UEVLD: variants seen among roughly 807,000 people sequenced by gnomAD.
UEVLD encodes the protein ubiquitin-conjugating enzyme E2 variant 3.
In UEVLD, 47 loss-of-function variants were observed where a neutral mutation model predicts 58.6. The ratio of observed to expected loss-of-function variants is 0.80; its 90% CI spans 0.63 to 1.02. The LOEUF (loss-of-function observed/expected upper bound fraction) is 1.02. Among genes scored for constraint, UEVLD ranks in the 50% least tolerant of loss-of-function variants. The pLI is 0.00. For missense variants in UEVLD, 510 were observed against 550.6 expected (o/e 0.93, Z 0.74); for synonymous variants, 197 against 195.3 (o/e 1.01, Z -0.07).
At chr11:18,537,358 G>A (rs1389421869) in intron 9 of UEVLD, among the ~76,000 whole-genome samples, 1 of 144,098 alleles carries the variant, frequency 6.9e-6, no homozygotes, top group Non-Finnish European at 1.5e-5. Flanking sequence ...TTTTGAGACG[G>A]ACTCTCGCTG....
chr11:18,559,069 T>C (rs565286126), intron 6 of UEVLD, among the ~76,000 whole-genome samples: 1 of 152,110 alleles, frequency 6.6e-6, no homozygotes, highest in African/African-American at 2.4e-5. Context: ...AGACGGGGTA[T>C]CACCATGTTG....
chr11:18,545,931 A>G (rs1851287740), intron 8 of UEVLD, among the ~76,000 whole-genome samples: 1 of 151,980 alleles, frequency 6.6e-6, no homozygotes, highest in South Asian at 2.1e-4. Flanking sequence ...TTCATATGCC[A>G]CCATGATTCA....
rs1210372468 is a variant in UEVLD, at chr11:18,570,353, C to T, written c.218G>A (p.Arg73His). The change falls in exon 4 of 12, where the codon CGT (arginine) becomes CAT (histidine). Residue 73 changes from arginine to histidine, a missense_variant. Coordinates refer to ENST00000396197, the MANE Select transcript of UEVLD (RefSeq NM_001040697.4). ...AGGGTGAGAATCCAAAATCCAGAAA[C>T]GAATTGGTATGTTATATGTATTACC... is the stretch of plus-strand genomic sequence containing the variant. Reference protein sequence around the residue: ...YQGNTYNIPIRFWILDSHPFA... With the variant: ...YQGNTYNIPIHFWILDSHPFA... 35 of 1,568,606 alleles carry T rather than the reference C, an allele frequency of 2.2e-5. No homozygotes were observed. The highest frequency in any genetic ancestry group is 1.7e-4 in the Middle Eastern group (1 of 5,844).
intron 1 of UEVLD, among the ~76,000 whole-genome samples, chr11:18,588,215 A>G (rs1384230539): frequency 6.6e-6 from 1 of 152,216 alleles, no homozygotes; most frequent in Non-Finnish European, 1.5e-5. Flanking sequence ...AGAAGGGTTG[A>G]TTCAATCTTA....
At chr11:18,548,038 C>A (rs1365624037) in intron 7 of UEVLD, among the ~76,000 whole-genome samples, 1 of 152,104 alleles carries the variant, frequency 6.6e-6, no homozygotes, top group African/African-American at 2.4e-5. Flanking sequence ...TTTACCACAC[C>A]TGCCTCTTGG....
At position 18,566,533 on chromosome 11, in the gene UEVLD, A is replaced by C. The variant is rs528853514; in HGVS notation, c.358-51T>G. On this transcript the variant is annotated intron_variant, in intron 4 of 11. Coordinates refer to ENST00000396197, the MANE Select transcript of UEVLD (RefSeq NM_001040697.4). ...AGTTACACAAAAATTTTGCTGAAGA[A>C]TACTACCTTTGTTGAGGCAGGAGTA... The C allele has an allele frequency of 1.1e-5, 17 of 1,591,020 alleles. 1 individual carries two copies. In the Middle Eastern group the frequency reaches 8.4e-4, roughly 78 times the overall value.
chr11:18,577,909 AG>A (rs1853014892), intron 2 of UEVLD, among the ~76,000 whole-genome samples: 1 of 151,966 alleles, frequency 6.6e-6, no homozygotes, highest in Non-Finnish European at 1.5e-5. Flanking sequence ...AAGATAATAA[AG>A]TAAAATATTT....
rs536349129 is a variant in UEVLD at position 18,530,803 on chromosome 11, G to C, written c.*1517C>G. The C allele has an allele frequency of 6.6e-6, 1 of 150,414 alleles. No individual in the cohort carries two copies. Among genetic ancestry groups the C allele is most frequent in the East Asian group, 2.0e-4 (1 of 5,094 alleles). The allele number at this position is 150,414 out of a possible 1,614,324, so 9.3% of individuals were successfully genotyped here. ...TGCAGTGGCGCGATCTCTGCTCACT[G>C]CAAGCTCCACCTACCGGGTTCACGC... is the stretch of plus-strand genomic sequence containing the variant. On this transcript the variant is annotated 3_prime_UTR_variant, in exon 12 of 12. Transcript: ENST00000396197.
In UEVLD at chr11:18,547,064, A is replaced by G. The variant is rs1200664285; in HGVS notation, c.716-14T>C. ...AGGCAGACAAATCTAGTGAATGAAA[A>G]GAAACAGTCTGAGCTGAAGATACAG... is the stretch of plus-strand genomic sequence containing the variant. On this transcript the variant is annotated splice_polypyrimidine_tract_variant and intron_variant, in intron 7 of 11. Coordinates refer to ENST00000396197, the MANE Select transcript of UEVLD (RefSeq NM_001040697.4). The G allele has an allele frequency of 6.2e-7, 1 of 1,607,452 alleles. No homozygotes were observed. Among genetic ancestry groups the G allele is most frequent in the African/African-American group, 1.3e-5 (1 of 74,538 alleles).
At chr11:18,537,581 T>C (rs1399478149) in intron 9 of UEVLD, among the ~76,000 whole-genome samples, 1 of 151,934 alleles carries the variant, frequency 6.6e-6, no homozygotes, top group Non-Finnish European at 1.5e-5. Context: ...TTCACCCACC[T>C]TGGCCTCCCA....
chr11:18,544,674 G>T lies in UEVLD; in HGVS notation c.1009C>A (p.Gln337Lys), dbSNP rs776252865. 1.3e-6 allele frequency: 2 copies of T among 1,591,728 alleles called. No homozygotes were observed. Residue 337 changes from glutamine to lysine, a missense_variant, in exon 9 of 12, where the codon CAG (glutamine) becomes AAG (lysine). By Grantham distance (53) the Gln-to-Lys change is moderately conservative. Transcript: ENST00000396197. The stretch of plus-strand genomic sequence containing the variant: ...ACCCATACTTCTTTGCCTGAAGTCT[G>T]TGCCTTCAAAACATTTGTAATAATA... ...QYIITNVLKA[Q>K]TSGKEVWVIG...
At chr11:18,539,416 A>G (rs1042859376) in intron 9 of UEVLD, among the ~76,000 whole-genome samples, 7 of 152,190 alleles carry the variant, frequency 4.6e-5, no homozygotes, top group Non-Finnish European at 1.0e-4. Flanking sequence ...TGTTATATGA[A>G]AAATATAAAT....
At chr11:18,572,965 A>T (rs1340264228) in intron 3 of UEVLD, among the ~76,000 whole-genome samples, 3 of 152,222 alleles carry the variant, frequency 2.0e-5, no homozygotes, top group South Asian at 2.1e-4. Flanking sequence ...CATTTTACAG[A>T]TGAGAAAGAT....
chr11:18,581,436 C>G (rs1056407223), intron 1 of UEVLD, among the ~76,000 whole-genome samples: 2 of 152,218 alleles, frequency 1.3e-5, no homozygotes, highest in African/African-American at 4.8e-5. Context: ...GTAATCCCAG[C>G]ACATTGGGAG....
chr11:18,541,617 G>T (rs1288553728), intron 9 of UEVLD, among the ~76,000 whole-genome samples: 1 of 152,192 alleles, frequency 6.6e-6, no homozygotes, highest in Non-Finnish European at 1.5e-5. Context: ...GACAACAAAA[G>T]TAACATGATG....
At chr11:18,542,086 G>C (rs184869987) in intron 9 of UEVLD, among the ~76,000 whole-genome samples, 122 of 152,244 alleles carry the variant, frequency 8.0e-4, no homozygotes, top group Admixed American at 2.3e-3. Context: ...TTTGGTCAGA[G>C]GAAGCCTCTG....
At chr11:18,532,645 C>T (rs1240353466) in intron 11 of UEVLD, among the ~76,000 whole-genome samples, 158 bp from the exon 12 acceptor site, 2 of 151,972 alleles carry the variant, frequency 1.3e-5, no homozygotes, top group Admixed American at 1.3e-4. Context: ...TTTAGAAGTC[C>T]AGACCTCACA....
intron 3 of UEVLD, among the ~76,000 whole-genome samples, chr11:18,574,700 T>C (rs1348500063): frequency 6.6e-6 from 1 of 152,206 alleles, no homozygotes; most frequent in Non-Finnish European, 1.5e-5. Flanking sequence ...CACTCTAAAA[T>C]GTGTTCCTTT....
intron 1 of UEVLD, among the ~76,000 whole-genome samples, chr11:18,579,885 ACT>A (rs1422115916): frequency 6.6e-6 from 1 of 152,178 alleles, no homozygotes; most frequent in East Asian, 1.9e-4. Flanking sequence ...CAATACTTAG[ACT>A]CTGAAAACTA....
Sources: gnomAD v4.1 joint callset for allele counts (sites outside exome capture counted in the v4.1 genomes callset) on GRCh38, gnomAD v4.1.1 for gene constraint, MANE v1.5 for transcripts, NCBI Gene and HGNC (gene_info 2026-07-23, HGNC 2026-07-21) for gene names.